SNTB2: variants seen among roughly 807,000 people sequenced by gnomAD.
The protein encoded by SNTB2 is syntrophin beta 2, also known as beta-2-syntrophin.
Under a neutral mutation model 46.2 loss-of-function variants are expected in SNTB2, and 34 were observed. The observed-to-expected ratio is 0.74, with a 90% confidence interval of 0.56 to 0.98. SNTB2 has a LOEUF of 0.98. Among genes scored for constraint, SNTB2 ranks in the 50% least tolerant of loss-of-function variants. The pLI, the probability that SNTB2 is intolerant of heterozygous loss-of-function variation, is 0.00. For synonymous variants in SNTB2, 290 were observed against 312.6 expected, an observed-to-expected ratio of 0.93 and a Z score of 0.76; for missense variants, 603 against 731.4, an observed-to-expected ratio of 0.82 and a Z score of 2.02.
At chr16:69,188,255 A>T (rs557766385) in intron 1 of SNTB2, among the ~76,000 whole-genome samples, 1 of 152,174 alleles carries the variant, frequency 6.6e-6, no homozygotes, top group Admixed American at 6.5e-5. Context: ...ACAATAACCA[A>T]AGGAGATCAT....
chr16:69,276,849 C>T (rs746209175), intron 4 of SNTB2, among the ~76,000 whole-genome samples: 2 of 151,974 alleles, frequency 1.3e-5, no homozygotes, highest in Admixed American at 6.6e-5. Flanking sequence ...TCCGTCCCCA[C>T]GTGGACTTGC....
chr16:69,212,518 T>C (rs1597174272), intron 1 of SNTB2, among the ~76,000 whole-genome samples: 1 of 152,020 alleles, frequency 6.6e-6, no homozygotes, highest in East Asian at 1.9e-4. Flanking sequence ...TTTGTATTTT[T>C]AGTAGAGACA....
Position 69,292,375 on chromosome 16 carries a change from TATATTATATATATATTA to T in SNTB2, c.1346-7214_1346-7198del, listed in dbSNP as rs1341880802. Among the ~76,000 whole-genome samples the T allele has an allele frequency of 2.4e-4, 10 of 41,026 alleles. 2 individuals carry two copies. Among genetic ancestry groups the T allele is most frequent in the East Asian group, 2.0e-3 (2 of 998 alleles). 26.9% of individuals were successfully genotyped at this position (41,026 alleles called of 152,430 possible). The stretch of plus-strand genomic sequence containing the variant: ...TTTTTTATATATATATATATATATA[TATATTATATATATATTA>T]TATATATATATATATTATATATATA... On this transcript the variant is annotated intron_variant, in intron 5 of 6. Coordinates refer to ENST00000336278, the MANE Select transcript of SNTB2 (RefSeq NM_006750.4).
In SNTB2 at chr16:69,306,883, G is replaced by C. The variant is rs1285060324; in HGVS notation, c.*5959G>C. On this transcript the variant is annotated 3_prime_UTR_variant, in exon 7 of 7. Coordinates refer to ENST00000336278, the MANE Select transcript of SNTB2 (RefSeq NM_006750.4). ...ACCCAGGAGGCAGAAGTTGCAGTGA[G>C]CTGAGATCATGCCATTGCACTCCAG... 1 of 152,224 alleles carries C rather than the reference G, an allele frequency of 6.6e-6. No homozygotes were observed. Among genetic ancestry groups the C allele is most frequent in the Non-Finnish European group, 1.5e-5 (1 of 68,108 alleles). The allele number at this position is 152,224 out of a possible 1,614,324, so 9.4% of individuals were successfully genotyped here.
At chr16:69,250,291 C>A (rs1341911807) in intron 2 of SNTB2, among the ~76,000 whole-genome samples, 2 of 152,074 alleles carry the variant, frequency 1.3e-5, no homozygotes, top group African/African-American at 4.8e-5. Context: ...ATCTGTGTGT[C>A]TTGGCAGAAA....
intron 2 of SNTB2, among the ~76,000 whole-genome samples, chr16:69,258,426 C>A (rs1210578141): frequency 6.6e-6 from 1 of 151,828 alleles, no homozygotes; most frequent in East Asian, 1.9e-4. Flanking sequence ...TAGCTATTTT[C>A]TAAAGGTTAC....
chr16:69,207,158 T>TTTC (rs1567397099), intron 1 of SNTB2, among the ~76,000 whole-genome samples: 57 of 75,318 alleles, frequency 7.6e-4, no homozygotes, highest in African/African-American at 3.6e-3. Context: ...TTCTTTCTTT[T>TTTC]TTTTTTTTTT....
intron 1 of SNTB2, among the ~76,000 whole-genome samples, chr16:69,188,204 G>T (rs1964013962): frequency 6.6e-6 from 1 of 151,434 alleles, no homozygotes; most frequent in South Asian, 2.1e-4. Flanking sequence ...CCACCAAAGC[G>T]CTGGTTAATT....
intron 2 of SNTB2, among the ~76,000 whole-genome samples, chr16:69,257,481 C>T (rs550205581): frequency 6.6e-6 from 1 of 151,264 alleles, no homozygotes; most frequent in African/African-American, 2.4e-5. Flanking sequence ...GAGTCTTGCT[C>T]TGCTGCCCAG....
chr16:69,268,454 ACT>A (rs961053159), intron 3 of SNTB2, among the ~76,000 whole-genome samples: 1 of 151,898 alleles, frequency 6.6e-6, no homozygotes. Context: ...ACAGAGCAAG[ACT>A]CTGTCTAAAA....
rs1965173130 is a variant in SNTB2 at position 69,292,383 on chromosome 16, ATATATATTATATAT to A, written c.1346-7206_1346-7193del. Among the ~76,000 whole-genome samples the A allele has an allele frequency of 7.9e-4, 13 of 16,542 alleles. 2 individuals carry two copies. Among genetic ancestry groups the A allele is most frequent in the African/African-American group, 3.3e-3 (12 of 3,652 alleles). 10.9% of individuals were successfully genotyped at this position (16,542 alleles called of 152,430 possible). On this transcript the variant is annotated intron_variant, in intron 5 of 6. Transcript: ENST00000336278. ...ATATATATATATATATATATATTAT[ATATATATTATATAT>A]ATATATATATTATATATATATTATA... is the stretch of plus-strand genomic sequence containing the variant.
In SNTB2 at chr16:69,255,680, A is replaced by G. The variant is rs1457780933; in HGVS notation, c.795-4370A>G. ...TGGATCACCTGAGGTCAGGAATTTC[A>G]GACCAGCCTGACCAACATGGTGAAT... is the stretch of plus-strand genomic sequence containing the variant. On this transcript the variant is annotated intron_variant, in intron 2 of 6. Transcript: ENST00000336278. Among the ~76,000 whole-genome samples the G allele has an allele frequency of 2.0e-5, 3 of 151,912 alleles. No homozygotes were observed. The East Asian group carries it at 5.8e-4, about 29-fold the overall frequency.
At chr16:69,217,239 C>T (rs145989566) in intron 1 of SNTB2, among the ~76,000 whole-genome samples, 73 of 152,098 alleles carry the variant, frequency 4.8e-4, no homozygotes, top group Admixed American at 1.3e-3. Context: ...CTGGGGAGGC[C>T]GAGGTGGGCA....
chr16:69,203,789 C>T (rs545101600), intron 1 of SNTB2, among the ~76,000 whole-genome samples: 11 of 151,854 alleles, frequency 7.2e-5, no homozygotes, highest in South Asian at 2.1e-4. Context: ...ATTTTTGAGG[C>T]GGAGTTTCAC....
At chr16:69,266,118 A>C (rs1964881229) in intron 3 of SNTB2, among the ~76,000 whole-genome samples, 1 of 152,168 alleles carries the variant, frequency 6.6e-6, no homozygotes, top group Non-Finnish European at 1.5e-5. Context: ...GAATCCCAGC[A>C]CTTTGGGAGG....
At chr16:69,256,094 G>A (rs1034924027) in intron 2 of SNTB2, among the ~76,000 whole-genome samples, 1 of 152,034 alleles carries the variant, frequency 6.6e-6, no homozygotes, top group African/African-American at 2.4e-5. Flanking sequence ...GCTGAGGCAG[G>A]AGAATCGCTT....
chr16:69,266,481 C>A (rs1164410312), intron 3 of SNTB2, among the ~76,000 whole-genome samples: 1 of 152,046 alleles, frequency 6.6e-6, no homozygotes, highest in African/African-American at 2.4e-5. Context: ...AAAAGATATT[C>A]TCTAAAAACT....
chr16:69,238,418 C>T (rs759830297), intron 1 of SNTB2, among the ~76,000 whole-genome samples: 4 of 152,124 alleles, frequency 2.6e-5, no homozygotes, highest in Non-Finnish European at 5.9e-5. Context: ...TGCACTCTGC[C>T]CACATCTTCA....
intron 4 of SNTB2, among the ~76,000 whole-genome samples, chr16:69,272,978 A>G (rs1964953074): frequency 6.6e-6 from 1 of 152,168 alleles, no homozygotes; most frequent in South Asian, 2.1e-4. Context: ...GGAACATGAG[A>G]AGATGTTCAG....
Sources: gnomAD v4.1 joint callset for allele counts (sites outside exome capture counted in the v4.1 genomes callset) on GRCh38, gnomAD v4.1.1 for gene constraint, MANE v1.5 for transcripts, NCBI Gene and HGNC (gene_info 2026-07-23, HGNC 2026-07-21) for gene names.